Variants in ANO4 observed in about 807,000 individuals in gnomAD.
ANO4 encodes anoctamin 4.
ANO4 carries 69 observed loss-of-function variants against 141.9 expected under a neutral mutation model. The ratio of observed to expected loss-of-function variants is 0.49; its 90% CI spans 0.40 to 0.59. ANO4 has a LOEUF of 0.59. ANO4 is among the 20% of genes least tolerant of loss of function. The pLI is 0.00. For missense variants in ANO4, 894 were observed against 1,162.2 expected (o/e 0.77, Z 3.36); for synonymous variants, 350 against 394.3 (o/e 0.89, Z 1.33).
At chr12:101,018,699 A>C (rs71464253) in intron 8 of ANO4, among the ~76,000 whole-genome samples, 22,832 of 152,098 alleles carry the variant, frequency 0.15, 2,047 homozygotes, top group Non-Finnish European at 0.2. Flanking sequence ...CCAGCCACTC[A>C]CCGGATCCCT....
At chr12:101,126,517 G>A (rs1442534477) in intron 26 of ANO4, among the ~76,000 whole-genome samples, 1 of 152,144 alleles carries the variant, frequency 6.6e-6, no homozygotes, top group Non-Finnish European at 1.5e-5. Context: ...AGGGGAATGA[G>A]GCTCAGATAA....
chr12:100,882,697 T>C (rs1398546457), intron 1 of ANO4, among the ~76,000 whole-genome samples: 3 of 152,188 alleles, frequency 2.0e-5, no homozygotes, highest in Admixed American at 6.5e-5. Flanking sequence ...TGTTTTTTGT[T>C]TTTTTGTTTG....
intron 15 of ANO4, among the ~76,000 whole-genome samples, chr12:101,082,192 A>G (rs2049311700): frequency 6.6e-6 from 1 of 152,082 alleles, no homozygotes; most frequent in Non-Finnish European, 1.5e-5. Flanking sequence ...CATGATAGTG[A>G]ATAAGTCTCT....
At chr12:100,801,769 T>G (rs2034711059) in intron 1 of ANO4, among the ~76,000 whole-genome samples, 1 of 150,860 alleles carries the variant, frequency 6.6e-6, no homozygotes, top group Admixed American at 6.6e-5. Flanking sequence ...GGAGGGAAGG[T>G]GGAAAATGCA....
intron 10 of ANO4, 129 bp downstream of exon 10, chr12:101,037,279 TAGGG>T (rs1419154200): frequency 1.7e-5 from 15 of 883,994 alleles, no homozygotes; most frequent in Non-Finnish European, 2.5e-5. Flanking sequence ...AATGGGTAAT[TAGGG>T]AGGGTCTACT....
chr12:101,115,246 A>C (rs1235966400), intron 24 of ANO4, among the ~76,000 whole-genome samples: 1 of 152,214 alleles, frequency 6.6e-6, no homozygotes, highest in Non-Finnish European at 1.5e-5. Flanking sequence ...TCATTGTTTA[A>C]TATAATCCCC....
intron 2 of ANO4, among the ~76,000 whole-genome samples, chr12:100,912,508 TG>T (rs1342979006): frequency 6.7e-6 from 1 of 149,582 alleles, no homozygotes; most frequent in Non-Finnish European, 1.5e-5. Context: ...CACTCCAGCC[TG>T]GGTGACAGAG....
chr12:101,028,128 C>T (rs2046817625), intron 9 of ANO4, among the ~76,000 whole-genome samples: 1 of 152,140 alleles, frequency 6.6e-6, no homozygotes, highest in South Asian at 2.1e-4. Flanking sequence ...AAAGCAACAA[C>T]AACAGCATCA....
At chr12:101,051,921 T>C (rs1462259918) in intron 14 of ANO4, among the ~76,000 whole-genome samples, 3 of 152,174 alleles carry the variant, frequency 2.0e-5, no homozygotes, top group Non-Finnish European at 4.4e-5. Context: ...AATGTGTCAG[T>C]TCTAATGGAG....
chr12:100,894,834 C>T (rs1408450865), intron 1 of ANO4, among the ~76,000 whole-genome samples: 8 of 151,578 alleles, frequency 5.3e-5, no homozygotes, highest in South Asian at 2.1e-4. Context: ...GGCGTGGTGG[C>T]GGGCGCCTGT....
chr12:101,105,130 A>G (rs2050390370), intron 22 of ANO4, among the ~76,000 whole-genome samples: 1 of 152,278 alleles, frequency 6.6e-6, no homozygotes, highest in Non-Finnish European at 1.5e-5. Context: ...AGCTAAGGAG[A>G]TAGGGACCCA....
chr12:100,949,190 G>T lies in ANO4; in HGVS notation c.456+6655G>T, dbSNP rs897952222. ...CAGGCAAGACCTACATCATAGCCTG[G>T]TGAGACCCTAAAGCAGAGAACCCAG... On this transcript the variant is annotated intron_variant, in intron 5 of 27. Coordinates refer to ENST00000392977, the MANE Select transcript of ANO4 (RefSeq NM_001286615.2). Among the ~76,000 whole-genome samples, 4 of 152,210 alleles carry T rather than the reference G, an allele frequency of 2.6e-5. No individual in the cohort carries two copies. The East Asian group carries it at 7.7e-4, about 29-fold the overall frequency.
intron 9 of ANO4, among the ~76,000 whole-genome samples, chr12:101,036,424 T>C (rs1054755906): frequency 2.6e-5 from 4 of 152,150 alleles, no homozygotes; most frequent in Non-Finnish European, 1.5e-5. Flanking sequence ...TTATTTACAA[T>C]AGCCAAGATA....
chr12:101,076,604 A>G (rs1167255678), intron 14 of ANO4, among the ~76,000 whole-genome samples: 3 of 152,070 alleles, frequency 2.0e-5, no homozygotes, highest in African/African-American at 7.3e-5. Flanking sequence ...GATGAGAACC[A>G]TAGAGGGTTG....
chr12:100,846,714 A>G (rs2037579765), intron 1 of ANO4, among the ~76,000 whole-genome samples: 3 of 152,148 alleles, frequency 2.0e-5, no homozygotes, highest in Admixed American at 2.0e-4. Flanking sequence ...GATACTGTGC[A>G]TAGGTATCCC....
At chr12:101,125,414 A>G (rs2051269458) in intron 26 of ANO4, among the ~76,000 whole-genome samples, 1 of 152,164 alleles carries the variant, frequency 6.6e-6, no homozygotes, top group Non-Finnish European at 1.5e-5. Context: ...ATCTGCAAAA[A>G]AAAGATAATT....
chr12:100,953,134 T>C (rs2043040217), intron 5 of ANO4, among the ~76,000 whole-genome samples: 1 of 152,232 alleles, frequency 6.6e-6, no homozygotes, highest in Non-Finnish European at 1.5e-5. Flanking sequence ...CATCATTATG[T>C]GCCACATGTG....
At chr12:100,799,748 C>A (rs1593359568) in intron 1 of ANO4, among the ~76,000 whole-genome samples, 1 of 152,068 alleles carries the variant, frequency 6.6e-6, no homozygotes, top group Admixed American at 6.6e-5. Context: ...TCAAAAAAAA[C>A]CAAAAGGAAC....
At chr12:100,718,724 C>G (rs2030724596) in intron 1 of ANO4, among the ~76,000 whole-genome samples, 1 of 152,178 alleles carries the variant, frequency 6.6e-6, no homozygotes, top group South Asian at 2.1e-4. Context: ...TTTCCTCCAA[C>G]CCCCTTCCCC....
Sources: gnomAD v4.1 joint callset for allele counts (sites outside exome capture counted in the v4.1 genomes callset) on GRCh38, gnomAD v4.1.1 for gene constraint, MANE v1.5 for transcripts, NCBI Gene and HGNC (gene_info 2026-07-23, HGNC 2026-07-21) for gene names.